The following FHIT variants were observed in gnomAD, a reference collection of about 807,000 sequenced individuals.
FHIT encodes the protein fragile histidine triad diadenosine triphosphatase, also known as bis(5'-adenosyl)-triphosphatase.
FHIT carries 19 observed loss-of-function variants against 17.9 expected under a neutral mutation model. That is an observed-to-expected ratio of 1.06 (90% CI 0.74 to 1.56). The LOEUF is 1.56. FHIT is among the 40% of genes most tolerant of loss of function. The pLI is 0.00. For synonymous variants in FHIT, 81 were observed against 69.7 expected (o/e 1.16, Z -0.81); for missense variants, 248 against 189.2 (o/e 1.31, Z -1.82).
intron 1 of FHIT, among the ~76,000 whole-genome samples, chr3:61,202,962 C>G (rs1049470166): frequency 1.3e-5 from 2 of 151,900 alleles, no homozygotes; most frequent in Non-Finnish European, 2.9e-5. Flanking sequence ...AGGCAGATCA[C>G]GAGGTCAGGA....
At chr3:60,162,633 T>C (rs2107371005) in intron 5 of FHIT, among the ~76,000 whole-genome samples, 1 of 152,314 alleles carries the variant, frequency 6.6e-6, no homozygotes, top group African/African-American at 2.4e-5. Context: ...ATGCTAACTT[T>C]ATGAAATGCA....
intron 3 of FHIT, among the ~76,000 whole-genome samples, chr3:60,882,552 G>T (rs1335334403): frequency 2.0e-5 from 3 of 152,114 alleles, no homozygotes; most frequent in African/African-American, 7.2e-5. Context: ...GCGATGCAAG[G>T]ACGGTTCAAC....
chr3:60,525,593 T>C (rs1192713361), intron 5 of FHIT, among the ~76,000 whole-genome samples: 1 of 152,208 alleles, frequency 6.6e-6, no homozygotes, highest in Non-Finnish European at 1.5e-5. Context: ...TAATAATATC[T>C]TGGGCAGAAC....
At chr3:60,961,506 T>C (rs1280435043) in intron 3 of FHIT, among the ~76,000 whole-genome samples, 1 of 152,228 alleles carries the variant, frequency 6.6e-6, no homozygotes, top group East Asian at 1.9e-4. Context: ...CCCTTACCCA[T>C]GCCTATATCC....
At chr3:61,130,102 AC>A (rs2036721141) in intron 2 of FHIT, among the ~76,000 whole-genome samples, 1 of 152,210 alleles carries the variant, frequency 6.6e-6, no homozygotes, top group Admixed American at 6.5e-5. Context: ...CCTCAAAAAG[AC>A]CAGAGTCTAG....
intron 2 of FHIT, among the ~76,000 whole-genome samples, chr3:61,113,384 A>C (rs1260618883): frequency 6.6e-6 from 1 of 152,182 alleles, no homozygotes; most frequent in Non-Finnish European, 1.5e-5. Flanking sequence ...AAGATCATAG[A>C]GTTATATTAT....
rs187746924 is a variant in FHIT, at chr3:60,780,188, T to C, written c.-18+41731A>G. Among the ~76,000 whole-genome samples, 8 of 152,326 alleles carry C rather than the reference T, an allele frequency of 5.3e-5. 1 individual carries two copies. In the East Asian group the frequency reaches 9.7e-4, roughly 18 times the overall value. On this transcript the variant is annotated intron_variant, in intron 4 of 9. Transcript: ENST00000492590. ...ATCTTCAGTCTGTATCCCTTTCAAATGCATCCTGAACCTCTGGGACTCCTT... is the reference window on the plus strand; with the variant it reads ...ATCTTCAGTCTGTATCCCTTTCAAACGCATCCTGAACCTCTGGGACTCCTT...
intron 8 of FHIT, among the ~76,000 whole-genome samples, chr3:59,916,786 T>A (rs1466503721): frequency 6.6e-6 from 1 of 152,204 alleles, no homozygotes; most frequent in Non-Finnish European, 1.5e-5. Context: ...ATATGCTTAT[T>A]TGTTAGTTTT....
chr3:59,758,203 T>C (rs2106766950), intron 8 of FHIT, among the ~76,000 whole-genome samples: 1 of 152,310 alleles, frequency 6.6e-6, no homozygotes, highest in East Asian at 1.9e-4. Context: ...AGGGTAATTC[T>C]GGGCAATGGG....
intron 4 of FHIT, among the ~76,000 whole-genome samples, chr3:60,554,703 C>A (rs188251552): frequency 1.3e-5 from 2 of 152,110 alleles, no homozygotes; most frequent in East Asian, 3.9e-4. Flanking sequence ...AAAAGAAATA[C>A]CAAAGGAAAA....
intron 5 of FHIT, among the ~76,000 whole-genome samples, chr3:60,360,005 T>C (rs983298195): frequency 2.0e-5 from 3 of 150,932 alleles, no homozygotes; most frequent in Non-Finnish European, 3.0e-5. Flanking sequence ...TTCTTTTTTT[T>C]TTTTTCATTC....
intron 5 of FHIT, among the ~76,000 whole-genome samples, chr3:60,458,886 C>T (rs915575775): frequency 2.0e-5 from 3 of 152,178 alleles, no homozygotes; most frequent in South Asian, 2.1e-4. Context: ...GGGATCCTCC[C>T]ACCTTAGCCT....
intron 3 of FHIT, among the ~76,000 whole-genome samples, chr3:60,996,572 A>C (rs79033636): frequency 0.032 from 4,823 of 152,280 alleles, 224 homozygotes; most frequent in African/African-American, 0.11. Flanking sequence ...GAAAAATCGT[A>C]ATGTCCATAA....
Position 59,905,275 on chromosome 3 carries a change from A to G in FHIT, c.348+17071T>C, listed in dbSNP as rs141340434. ...GCAGGAAAAAAGAATTGATAGAACT[A>G]GAGAATGACAGCATACAGAGGACGA... On this transcript the variant is annotated intron_variant, in intron 8 of 9. Coordinates refer to ENST00000492590, the MANE Select transcript of FHIT (RefSeq NM_002012.4). 7.6e-3 allele frequency among the ~76,000 whole-genome samples: 1,157 copies of G among 152,358 alleles called. 7 individuals are homozygous for G. The highest frequency in any genetic ancestry group is 0.02 in the Middle Eastern group (6 of 294).
At chr3:60,476,651 G>A (rs972997552) in intron 5 of FHIT, among the ~76,000 whole-genome samples, 16 of 152,270 alleles carry the variant, frequency 1.1e-4, no homozygotes, top group Admixed American at 8.5e-4. Flanking sequence ...CAATGCTGAA[G>A]GCATGGTCAA....
intron 3 of FHIT, among the ~76,000 whole-genome samples, chr3:60,926,732 CA>C (rs1271867272): frequency 6.6e-6 from 1 of 151,974 alleles, no homozygotes; most frequent in Non-Finnish European, 1.5e-5. Flanking sequence ...GATAGAGACA[CA>C]AAAAACCCTT....
Position 61,248,662 on chromosome 3 carries a change from G to GC in FHIT, c.-213+2638dup, listed in dbSNP as rs538882652. 5.8e-4 allele frequency among the ~76,000 whole-genome samples: 88 copies of GC among 152,298 alleles called. 2 individuals are homozygous for GC. The South Asian group carries it at 0.017, about 30-fold the overall frequency. On this transcript the variant is annotated intron_variant, in intron 1 of 9. Transcript: ENST00000492590. Reference sequence around the variant, plus strand: ...GACTAACTTCCAAAATAGAAACAGAGCATGTTGAAGTTGCATAAACACACA... The same window carrying GC: ...GACTAACTTCCAAAATAGAAACAGAGCCATGTTGAAGTTGCATAAACACACA...
chr3:60,979,630 T>A (rs1251834175), intron 3 of FHIT, among the ~76,000 whole-genome samples: 1 of 152,120 alleles, frequency 6.6e-6, no homozygotes, highest in Non-Finnish European at 1.5e-5. Flanking sequence ...CGTCATGACT[T>A]CTGTTTAGAT....
At chr3:59,926,436 G>A (rs1170827491) in intron 7 of FHIT, among the ~76,000 whole-genome samples, 1 of 152,278 alleles carries the variant, frequency 6.6e-6, no homozygotes, top group Admixed American at 6.5e-5. Flanking sequence ...GATAAGTAAG[G>A]AAATGACTAT....
Sources: allele counts gnomAD v4.1 joint callset (sites outside exome capture counted in the v4.1 genomes callset), GRCh38; gene constraint gnomAD v4.1.1; transcripts MANE v1.5; gene names NCBI Gene and HGNC (gene_info 2026-07-23, HGNC 2026-07-21).